TIA1: variants seen among roughly 807,000 people sequenced by gnomAD.
TIA1 encodes the protein cytotoxic granule associated RNA binding protein TIA1.
Under a neutral mutation model 65.9 loss-of-function variants are expected in TIA1, and 23 were observed. That is an observed-to-expected ratio of 0.35 (90% confidence interval 0.25 to 0.49). The LOEUF (loss-of-function observed/expected upper bound fraction) is 0.49, where lower values mean the gene tolerates loss of function less well. TIA1 is among the 20% of genes least tolerant of loss of function. The pLI, the probability that TIA1 is intolerant of heterozygous loss-of-function variation, is 0.98. For synonymous variants in TIA1, 147 were observed against 149.4 expected (o/e 0.98, Z 0.12); for missense variants, 371 against 477.9 (o/e 0.78, Z 2.09).
At position 70,211,178 on chromosome 2, in the gene TIA1, T is replaced by TGATC. The variant is rs1240173393; in HGVS notation, c.*1540_*1541insGATC. Reference sequence around the variant, plus strand: ...CCTCTTGAGTAAAGGAAGAAGGAGGTTTGTGATCTTCACTGAAAACAAAGT... The same window carrying TGATC: ...CCTCTTGAGTAAAGGAAGAAGGAGGTGATCTTGTGATCTTCACTGAAAACAAAGT... On this transcript the variant is annotated 3_prime_UTR_variant, in exon 13 of 13. Transcript: ENST00000433529. 39 of 152,106 alleles carry TGATC rather than the reference T, an allele frequency of 2.6e-4. No individual in the cohort carries two copies. Among genetic ancestry groups the TGATC allele is most frequent in the African/African-American group, 2.4e-5 (1 of 41,400 alleles). The allele number at this position is 152,106 out of a possible 1,614,324, so 9.4% of individuals were successfully genotyped here. A position where few individuals can be genotyped will look rare whatever the true frequency, so the allele number is the denominator to read the frequency against.
At chr2:70,213,332 TTTC>T (rs1677096182) in intron 12 of TIA1, among the ~76,000 whole-genome samples, 1 of 151,118 alleles carries the variant, frequency 6.6e-6, no homozygotes, top group African/African-American at 2.4e-5. Context: ...ATTACAAGAT[TTTC>T]TTTTCTTTTC....
chr2:70,218,600 C>G (rs1355240668), intron 7 of TIA1, among the ~76,000 whole-genome samples: 2 of 151,938 alleles, frequency 1.3e-5, no homozygotes, highest in African/African-American at 4.8e-5. Flanking sequence ...TTAGTAGAGA[C>G]AGGGTTTCTT....
At chr2:70,247,885 TAA>T (rs1266800301) in intron 1 of TIA1, among the ~76,000 whole-genome samples, 3 of 151,262 alleles carry the variant, frequency 2.0e-5, no homozygotes, top group Non-Finnish European at 2.9e-5. Context: ...ACTGCAAGAA[TAA>T]AGTTTACTGC....
At chr2:70,240,441 A>G (rs1417698022) in intron 1 of TIA1, among the ~76,000 whole-genome samples, 8 of 152,240 alleles carry the variant, frequency 5.3e-5, no homozygotes, top group African/African-American at 1.9e-4. Context: ...CTGTTCTTGA[A>G]TAAAAGGGAG....
chr2:70,241,118 T>A (rs1199423401), intron 1 of TIA1, among the ~76,000 whole-genome samples: 1 of 152,130 alleles, frequency 6.6e-6, no homozygotes. Context: ...GGTATCTGAA[T>A]AGCCTCAAAG....
At chr2:70,218,604 G>T (rs1313858005) in intron 7 of TIA1, among the ~76,000 whole-genome samples, 1 of 152,012 alleles carries the variant, frequency 6.6e-6, no homozygotes, top group Non-Finnish European at 1.5e-5. Context: ...TAGAGACAGG[G>T]TTTCTTTTTT....
At chr2:70,241,028 A>C (rs1573775918) in intron 1 of TIA1, among the ~76,000 whole-genome samples, 2 of 152,232 alleles carry the variant, frequency 1.3e-5, no homozygotes, top group African/African-American at 4.8e-5. Flanking sequence ...CACCATTAAA[A>C]CACCACAGTA....
chr2:70,237,832 C>T (rs1456401328), intron 1 of TIA1, among the ~76,000 whole-genome samples: 1 of 151,794 alleles, frequency 6.6e-6, no homozygotes, highest in Non-Finnish European at 1.5e-5. Context: ...CGCCACTGCA[C>T]TCCAGCCTGG....
At chr2:70,223,598 G>A (rs1343689086) in intron 7 of TIA1, among the ~76,000 whole-genome samples, 5 of 151,626 alleles carry the variant, frequency 3.3e-5, no homozygotes, top group Admixed American at 6.6e-5. Flanking sequence ...ATTTTTTGTA[G>A]AGATGGGGTT....
chr2:70,248,340 AGGG>A, intron 1 of TIA1, 62 bp downstream of exon 1: 3 of 1,562,208 alleles, frequency 1.9e-6, no homozygotes, highest in Non-Finnish European at 2.6e-6. Context: ...GGAGCGGCGC[AGGG>A]CCGAGGCCTT....
intron 2 of TIA1, among the ~76,000 whole-genome samples, chr2:70,231,259 G>A (rs926398090): frequency 1.3e-5 from 2 of 152,060 alleles, no homozygotes; most frequent in Non-Finnish European, 2.9e-5. Flanking sequence ...CTGAGACTGC[G>A]CCACTGCACT....
intron 11 of TIA1, 168 bp downstream of exon 11, chr2:70,215,203 C>T: frequency 1.3e-6 from 1 of 772,446 alleles, no homozygotes; most frequent in East Asian, 2.8e-5. Flanking sequence ...CATCATGTCA[C>T]CACTGCAATC....
At chr2:70,234,174 C>A (rs1323806159) in intron 2 of TIA1, among the ~76,000 whole-genome samples, 1 of 152,198 alleles carries the variant, frequency 6.6e-6, no homozygotes, top group Admixed American at 6.5e-5. Context: ...TTAGGGTTTA[C>A]AGCCTTGCTT....
At position 70,209,919 on chromosome 2, in the gene TIA1, TAAAA is replaced by T. The variant is rs759715971; in HGVS notation, c.*2796_*2799del. The stretch of plus-strand genomic sequence containing the variant: ...ATGGAATAGAACTATAACACACAAA[TAAAA>T]GGAAGATGTACAAGCACAGGGACAA... On this transcript the variant is annotated 3_prime_UTR_variant, in exon 13 of 13. Transcript: ENST00000433529. 2.6e-5 allele frequency: 10 copies of T among 390,724 alleles called. No individual in the cohort carries two copies. The highest frequency in any genetic ancestry group is 4.5e-5 in the Non-Finnish European group (10 of 221,654). 24.2% of individuals were successfully genotyped at this position (390,724 alleles called of 1,614,324 possible).
intron 12 of TIA1, among the ~76,000 whole-genome samples, chr2:70,213,245 G>C (rs551475147): frequency 6.6e-6 from 1 of 151,206 alleles, no homozygotes; most frequent in Admixed American, 6.6e-5. Context: ...TCCCTACAAC[G>C]AAAAAGGAAC....
intron 2 of TIA1, 46 bp downstream of exon 2, chr2:70,236,033 G>T: frequency 8.5e-7 from 1 of 1,170,032 alleles, no homozygotes; most frequent in African/African-American, 1.6e-5. Flanking sequence ...TTTAAGTAAT[G>T]TGTAAAAAAA....
At chr2:70,215,873 C>T (rs747963376) in intron 10 of TIA1, among the ~76,000 whole-genome samples, 5 of 152,142 alleles carry the variant, frequency 3.3e-5, no homozygotes, top group Non-Finnish European at 7.4e-5. Flanking sequence ...CTCAGCCTCC[C>T]GAGTAGCTGT....
intron 7 of TIA1, among the ~76,000 whole-genome samples, chr2:70,217,743 C>G (rs1030647387): frequency 1.3e-5 from 2 of 152,078 alleles, no homozygotes; most frequent in African/African-American, 2.4e-5. Context: ...CCTCAGCTTC[C>G]CAAAGTGCTA....
rs928110611 is a variant in TIA1 at position 70,209,751 on chromosome 2, C to G, written c.*2968G>C. On this transcript the variant is annotated 3_prime_UTR_variant, in exon 13 of 13. Coordinates refer to ENST00000433529, the MANE Select transcript of TIA1 (RefSeq NM_022173.4). Reference sequence around the variant, plus strand: ...CTGATTTTTTTTAAAGAAATCATCACTCTCATTTGAAAGGTTTGCTTTCTT... The same window carrying G: ...CTGATTTTTTTTAAAGAAATCATCAGTCTCATTTGAAAGGTTTGCTTTCTT... 1 of 398,270 alleles carries G rather than the reference C, an allele frequency of 2.5e-6. No individual in the cohort carries two copies. Among genetic ancestry groups the G allele is most frequent in the Non-Finnish European group, 4.4e-6 (1 of 225,914 alleles). The allele number at this position is 398,270 out of a possible 1,614,324, so 24.7% of individuals were successfully genotyped here.
Sources: allele counts gnomAD v4.1 joint callset (sites outside exome capture counted in the v4.1 genomes callset), GRCh38; gene constraint gnomAD v4.1.1; transcripts MANE v1.5; gene names NCBI Gene and HGNC (gene_info 2026-07-23, HGNC 2026-07-21).